RFC1: variants seen among roughly 807,000 people sequenced by gnomAD.
The protein encoded by RFC1 is replication factor C subunit 1.
RFC1 carries 37 observed loss-of-function variants against 137.4 expected under a neutral mutation model. The observed-to-expected ratio is 0.27, with a 90% CI of 0.21 to 0.35. The LOEUF is 0.35. Among genes scored for constraint, RFC1 ranks in the 10% least tolerant of loss-of-function variants. The pLI is 1.00. For missense variants in RFC1, 1,205 were observed against 1,358.5 expected (o/e 0.89, Z 1.78); for synonymous variants, 429 against 455.7 (o/e 0.94, Z 0.75).
intron 9 of RFC1, among the ~76,000 whole-genome samples, chr4:39,319,183 T>C (rs1030009792): frequency 3.9e-5 from 6 of 152,212 alleles, no homozygotes; most frequent in Non-Finnish European, 8.8e-5. Flanking sequence ...CTTTTACATA[T>C]GAAGTCATTA....
chr4:39,319,785 T>A (rs770606978), intron 9 of RFC1, among the ~76,000 whole-genome samples: 2 of 152,086 alleles, frequency 1.3e-5, no homozygotes, highest in African/African-American at 4.8e-5. Context: ...TTCTATCTAA[T>A]AACCAAGCCG....
At chr4:39,320,914 A>G (rs1283123133) in intron 8 of RFC1, among the ~76,000 whole-genome samples, 1 of 152,228 alleles carries the variant, frequency 6.6e-6, no homozygotes, top group African/African-American at 2.4e-5. Flanking sequence ...ACAGGCAATA[A>G]GCAAGAGAGC....
chr4:39,304,787 A>C, intron 15 of RFC1, 27 bp downstream of exon 15: 1 of 1,260,508 alleles, frequency 7.9e-7, no homozygotes, highest in Non-Finnish European at 1.2e-6. Flanking sequence ...TTATATAACA[A>C]CAACAGGAGG....
rs4975007 is a variant in RFC1, at chr4:39,351,502, C to T, written c.4-26G>A. ...CTAAAAGCAAAAAACAGGAGATTCA[C>T]GAATAAACATTAACCGCATAAAATT... On this transcript the variant is annotated intron_variant, in intron 1 of 24. Coordinates refer to ENST00000349703, the MANE Select transcript of RFC1 (RefSeq NM_002913.5). The T allele has an allele frequency of 1, 1,512,231 of 1,518,722 alleles. 753,124 individuals are homozygous for T. The highest frequency in any genetic ancestry group is 1 in the East Asian group (40,951 of 40,952). The allele number at this position is 1,518,722 out of a possible 1,614,324, so 94.1% of individuals were successfully genotyped here. A position where few individuals can be genotyped will look rare whatever the true frequency, so the allele number is the denominator to read the frequency against.
chr4:39,361,589 A>G (rs896081707), intron 1 of RFC1, among the ~76,000 whole-genome samples: 13 of 152,222 alleles, frequency 8.5e-5, no homozygotes, highest in Non-Finnish European at 1.8e-4. Context: ...TACATTGAAC[A>G]AGAAGTAAAC....
At chr4:39,332,651 G>A (rs908446126) in intron 4 of RFC1, among the ~76,000 whole-genome samples, 3 of 152,170 alleles carry the variant, frequency 2.0e-5, no homozygotes, top group Admixed American at 6.5e-5. Context: ...ATACTTCCCT[G>A]TGAATTCCAC....
chr4:39,351,647 T>G (rs1344935503), intron 1 of RFC1, among the ~76,000 whole-genome samples, 171 bp from the exon 2 acceptor site: 1 of 152,192 alleles, frequency 6.6e-6, no homozygotes, highest in Non-Finnish European at 1.5e-5. Flanking sequence ...AAAAGTTAAC[T>G]GATAACTTTA....
At chr4:39,353,397 C>A (rs866203128) in intron 1 of RFC1, among the ~76,000 whole-genome samples, 60 of 63,516 alleles carry the variant, frequency 9.4e-4, no homozygotes, top group African/African-American at 1.6e-3. Context: ...GAGACTGTCT[C>A]AAAAAAAAAA....
chr4:39,326,698 A>T, intron 5 of RFC1, 58 bp from the exon 6 acceptor site: 4 of 1,378,478 alleles, frequency 2.9e-6, no homozygotes, highest in Non-Finnish European at 4.1e-6. Flanking sequence ...AAAATAAGGC[A>T]CTTTTTCTTG....
intron 24 of RFC1, among the ~76,000 whole-genome samples, 153 bp from the exon 25 acceptor site, chr4:39,288,997 G>GA (rs914673208): frequency 6.6e-6 from 1 of 152,208 alleles, no homozygotes; most frequent in Non-Finnish European, 1.5e-5. Context: ...TGCAACCCAT[G>GA]AAGCGCTTAC....
At chr4:39,327,432 T>C (rs190298476) in intron 5 of RFC1, 92 bp downstream of exon 5, 2 of 639,708 alleles carry the variant, frequency 3.1e-6, no homozygotes, top group East Asian at 2.9e-5. Flanking sequence ...TATTAAAACA[T>C]GTTGCCTATT....
chr4:39,360,089 G>A (rs767318905), intron 1 of RFC1, among the ~76,000 whole-genome samples: 2 of 151,818 alleles, frequency 1.3e-5, no homozygotes, highest in Non-Finnish European at 1.5e-5. Context: ...TTTTTTGGCC[G>A]GGTGCAGTGG....
At chr4:39,345,503 C>A (rs755193373) in intron 2 of RFC1, 27 bp from the exon 3 acceptor site, 1 of 1,543,592 alleles carries the variant, frequency 6.5e-7, no homozygotes, top group Admixed American at 1.8e-5. Flanking sequence ...ATAATTAGAA[C>A]ATAAAGAAGC....
At chr4:39,304,149 T>G (rs1402583555) in intron 15 of RFC1, among the ~76,000 whole-genome samples, 1 of 152,166 alleles carries the variant, frequency 6.6e-6, no homozygotes, top group Non-Finnish European at 1.5e-5. Context: ...CACCAAGAAT[T>G]CAGGTGACAA....
At chr4:39,303,357 G>A (rs1237901308) in intron 15 of RFC1, among the ~76,000 whole-genome samples, 2 of 150,664 alleles carry the variant, frequency 1.3e-5, no homozygotes, top group Admixed American at 1.3e-4. Flanking sequence ...CCCTTCCCCT[G>A]CAGACCCCAA....
intron 9 of RFC1, among the ~76,000 whole-genome samples, chr4:39,318,377 G>C (rs1431477616): frequency 6.6e-6 from 1 of 152,300 alleles, no homozygotes; most frequent in Non-Finnish European, 1.5e-5. Flanking sequence ...TTTCACAAGA[G>C]AGTCCAGTGC....
Position 39,311,450 on chromosome 4 carries a change from T to C in RFC1, c.1483A>G (p.Thr495Ala), listed in dbSNP as rs1437034275. The change falls in exon 12 of 25, where the codon ACT becomes GCT. Residue 495 changes from threonine (T) to alanine (A), a missense_variant. Around this residue, in one of 3 missense-constraint regions of RFC1, gnomAD observed 962 missense variants for 1,035.3 expected, o/e 0.93. Coordinates refer to ENST00000349703, the MANE Select transcript of RFC1 (RefSeq NM_002913.5). ...KKSKYEIAVE[T>A]EMKKESKLER... ...CACATTCATTTTATACGAACCTCAG[T>C]TTCAACTGCTATTTCATACTTGGAT... is the stretch of plus-strand genomic sequence containing the variant. The C allele has an allele frequency of 1.2e-6, 2 of 1,612,602 alleles. No individual in the cohort carries two copies. The highest frequency in any genetic ancestry group is 1.7e-6 in the Non-Finnish European group (2 of 1,178,880).
intron 1 of RFC1, among the ~76,000 whole-genome samples, chr4:39,360,740 A>G (rs1741717234): frequency 6.6e-6 from 1 of 152,076 alleles, no homozygotes; most frequent in Non-Finnish European, 1.5e-5. Context: ...GTCTCAGAAA[A>G]AAAAAGGAGA....
In RFC1 at chr4:39,342,332, A is replaced by G; in HGVS notation, c.331+13T>C. ...ACACACACGGCATCTCATATACCAC[A>G]ATGCAACCTTACCTGTTTCTGAAAT... On this transcript the variant is annotated intron_variant, in intron 4 of 24. Transcript: ENST00000349703. The G allele has an allele frequency of 6.2e-7, 1 of 1,609,902 alleles. No homozygotes were observed. The highest frequency in any genetic ancestry group is 8.5e-7 in the Non-Finnish European group (1 of 1,177,390).
Sources: allele counts gnomAD v4.1 joint callset (sites outside exome capture counted in the v4.1 genomes callset), GRCh38; gene constraint gnomAD v4.1.1; regional missense constraint gnomAD v4.1.1; transcripts MANE v1.5; gene names NCBI Gene and HGNC (gene_info 2026-07-23, HGNC 2026-07-21).